Variants in LDAF1 observed in about 807,000 individuals in gnomAD.
LDAF1 encodes PROMETHIN.
Under a neutral mutation model 13.5 loss-of-function variants are expected in LDAF1, and 7 were observed. That is an observed-to-expected ratio of 0.52 (90% CI 0.29 to 0.97). The LOEUF is 0.97. Ranked by LOEUF, LDAF1 falls within the 50% of genes least tolerant of loss-of-function variation. The pLI, the probability that LDAF1 is intolerant of heterozygous loss-of-function variation, is 0.07. For synonymous variants in LDAF1, 69 were observed against 77.1 expected (o/e 0.89, Z 0.55); for missense variants, 148 against 193.2 (o/e 0.77, Z 1.39).
chr16:21,160,853 G>T lies in LDAF1; in HGVS notation c.-98-232G>T, dbSNP rs148491652. On this transcript the variant is annotated intron_variant, in intron 1 of 4. Transcript: ENST00000233047. The stretch of plus-strand genomic sequence containing the variant: ...TGCTAGTCATTATATGTTATAAACA[G>T]GGATGCAATGCACAGCCTTTTAGTA... 4 of 267,354 alleles carry T rather than the reference G, an allele frequency of 1.5e-5. No homozygotes were observed. In the East Asian group the frequency reaches 2.4e-4, roughly 16 times the overall value. 16.6% of individuals were successfully genotyped at this position (267,354 alleles called of 1,614,324 possible). A position where few individuals can be genotyped will look rare whatever the true frequency, so the allele number is the denominator to read the frequency against.
At position 21,179,468 on chromosome 16, in the gene LDAF1, C is replaced by T; in HGVS notation, c.405-7C>T. On this transcript the variant is annotated splice_polypyrimidine_tract_variant and splice_region_variant and intron_variant, in intron 4 of 4. Coordinates refer to ENST00000233047, the MANE Select transcript of LDAF1 (RefSeq NM_001301771.2). ...AGAGCTAACGATCTCTTCTTGTTAT[C>T]CGACAGGCCACTGACACAGCAAAAC... 6.2e-7 allele frequency: 1 copy of T among 1,614,160 alleles called. No homozygotes were observed. The highest frequency in any genetic ancestry group is 8.5e-7 in the Non-Finnish European group (1 of 1,180,022).
intron 2 of LDAF1, among the ~76,000 whole-genome samples, chr16:21,161,842 T>G (rs1031934806): frequency 1.3e-5 from 2 of 152,114 alleles, no homozygotes; most frequent in African/African-American, 2.4e-5. Flanking sequence ...TAGCCACATG[T>G]AAGAAGTAAA....
intron 2 of LDAF1, among the ~76,000 whole-genome samples, chr16:21,166,676 C>T (rs1283868463): frequency 6.6e-6 from 1 of 152,250 alleles, no homozygotes; most frequent in East Asian, 1.9e-4. Flanking sequence ...GCTCTCCCCA[C>T]TGTGGTTCTT....
chr16:21,160,416 G>A (rs1346508440), intron 1 of LDAF1, among the ~76,000 whole-genome samples: 2 of 152,110 alleles, frequency 1.3e-5, no homozygotes, highest in Non-Finnish European at 2.9e-5. Context: ...GGTGAGGTCT[G>A]CCCCCGAGGT....
chr16:21,173,057 C>T (rs1013248982), intron 3 of LDAF1, among the ~76,000 whole-genome samples: 1 of 152,020 alleles, frequency 6.6e-6, no homozygotes, highest in African/African-American at 2.4e-5. Flanking sequence ...TTTCCTTGCA[C>T]GTATTAGATG....
chr16:21,174,150 TA>T lies in LDAF1; in HGVS notation c.404+5del. Reference sequence around the variant, plus strand: ...CATCAGCTGCTGGTTTTCTCCCAGGTAAATACATGTCCATGAAATAATTTAT... The same window carrying T: ...CATCAGCTGCTGGTTTTCTCCCAGGTAATACATGTCCATGAAATAATTTAT... On this transcript the variant is annotated splice_donor_region_variant and intron_variant, in intron 4 of 4. Coordinates refer to ENST00000233047, the MANE Select transcript of LDAF1 (RefSeq NM_001301771.2). 5 of 1,601,890 alleles carry T rather than the reference TA, an allele frequency of 3.1e-6. No individual in the cohort carries two copies. The highest frequency in any genetic ancestry group is 4.2e-6 in the Non-Finnish European group (5 of 1,176,834).
At chr16:21,164,600 A>G (rs1250712634) in intron 2 of LDAF1, among the ~76,000 whole-genome samples, 1 of 152,174 alleles carries the variant, frequency 6.6e-6, no homozygotes, top group Non-Finnish European at 1.5e-5. Context: ...GAGGTTTGTT[A>G]TGAAGATTAT....
chr16:21,159,424 G>T (rs1567894494), intron 1 of LDAF1: 1 of 1,613,998 alleles, frequency 6.2e-7, no homozygotes, highest in Non-Finnish European at 8.5e-7. Flanking sequence ...TGAGCTCGAG[G>T]CGCCCTGTAG....
At chr16:21,178,166 C>T (rs1410864404) in intron 4 of LDAF1, 1 of 974,410 alleles carries the variant, frequency 1.0e-6, no homozygotes, top group African/African-American at 1.8e-5. Context: ...GACCTGCCTC[C>T]TATGTAGATC....
intron 4 of LDAF1, among the ~76,000 whole-genome samples, chr16:21,176,625 A>G (rs903609957): frequency 1.3e-5 from 2 of 152,220 alleles, no homozygotes; most frequent in African/African-American, 4.8e-5. Context: ...CCTGGGCAAC[A>G]GAGCAAGACC....
chr16:21,179,107 G>A (rs2093162687), intron 4 of LDAF1, among the ~76,000 whole-genome samples: 1 of 152,170 alleles, frequency 6.6e-6, no homozygotes, highest in Non-Finnish European at 1.5e-5. Context: ...GTTTTCAGCT[G>A]TGTGGTCTTG....
At chr16:21,171,352 C>G (rs2093086681) in intron 3 of LDAF1, among the ~76,000 whole-genome samples, 1 of 152,194 alleles carries the variant, frequency 6.6e-6, no homozygotes, top group Non-Finnish European at 1.5e-5. Flanking sequence ...CTGGTCCATT[C>G]CGTGGCTTCC....
At chr16:21,166,998 G>A (rs1309844791) in intron 2 of LDAF1, 28 of 1,286,322 alleles carry the variant, frequency 2.2e-5, no homozygotes, top group Admixed American at 1.8e-4. Flanking sequence ...GGTAGCAGGA[G>A]GCAGTGAGGT....
Position 21,161,097 on chromosome 16 carries a change from C to T in LDAF1, c.-86C>T, listed in dbSNP as rs1231023357. The T allele has an allele frequency of 8.3e-6, 13 of 1,564,384 alleles. No homozygotes were observed. The highest frequency in any genetic ancestry group is 7.2e-5 in the South Asian group (6 of 82,850). ...CCTCTGGTAACAGCAAGAGACAGAG[C>T]GACATGAGAGATTGGACCGCGGGCT... On this transcript the variant is annotated 5_prime_UTR_variant, in exon 2 of 5. Coordinates refer to ENST00000233047, the MANE Select transcript of LDAF1 (RefSeq NM_001301771.2).
chr16:21,160,924 A>G lies in LDAF1; in HGVS notation c.-98-161A>G, dbSNP rs2092966689. ...ATTATTTCCATCATGTTCCTGGAAT[A>G]TAAATTCCTGGATTGAAGTGTGTGC... is the stretch of plus-strand genomic sequence containing the variant. On this transcript the variant is annotated intron_variant, in intron 1 of 4. Transcript: ENST00000233047. The G allele has an allele frequency of 6.3e-6, 5 of 799,678 alleles. 1 individual carries two copies. In the South Asian group the frequency reaches 1.5e-4, roughly 24 times the overall value. 49.5% of individuals were successfully genotyped at this position (799,678 alleles called of 1,614,324 possible).
At chr16:21,161,314 C>T (rs757181910) in intron 2 of LDAF1, 36 bp downstream of exon 2, 22 of 1,602,218 alleles carry the variant, frequency 1.4e-5, no homozygotes, top group Non-Finnish European at 1.8e-5. Flanking sequence ...TGGAAAATCC[C>T]AATATAACAC....
intron 4 of LDAF1, among the ~76,000 whole-genome samples, chr16:21,176,071 A>C (rs930210393): frequency 6.6e-6 from 1 of 152,148 alleles, no homozygotes; most frequent in Admixed American, 6.5e-5. Context: ...AAAAGGAGAA[A>C]TATTGGCCTA....
intron 1 of LDAF1, chr16:21,159,953 G>A (rs2092949621): frequency 2.0e-6 from 2 of 985,188 alleles, no homozygotes; most frequent in Admixed American, 6.2e-5. Flanking sequence ...ATGTGGGGTG[G>A]TGGGATTAGT....
At chr16:21,164,054 A>G (rs1252833784) in intron 2 of LDAF1, among the ~76,000 whole-genome samples, 1 of 152,096 alleles carries the variant, frequency 6.6e-6, no homozygotes, top group Non-Finnish European at 1.5e-5. Context: ...TTAGGAAGAG[A>G]TAATGAATCA....
Sources: allele counts gnomAD v4.1 joint callset (sites outside exome capture counted in the v4.1 genomes callset), GRCh38; gene constraint gnomAD v4.1.1; transcripts MANE v1.5; gene names NCBI Gene and HGNC (gene_info 2026-07-23, HGNC 2026-07-21).